The following SMC5 variants were observed in gnomAD, a reference collection of about 807,000 sequenced individuals.
SMC5 encodes the protein structural maintenance of chromosomes 5, also known as structural maintenance of chromosomes protein 5.
SMC5 carries 88 observed loss-of-function variants against 148.3 expected under a neutral mutation model. The ratio of observed to expected loss-of-function variants is 0.59; its 90% confidence interval spans 0.50 to 0.71. SMC5 has a LOEUF of 0.71. Among genes scored for constraint, SMC5 ranks in the 30% least tolerant of loss-of-function variants. The pLI is 0.00. For missense variants in SMC5, 1,142 were observed against 1,298.9 expected, an observed-to-expected ratio of 0.88 and a Z score of 1.86; for synonymous variants, 421 against 432.8, an observed-to-expected ratio of 0.97 and a Z score of 0.34.
chr9:70,310,742 G>A (rs778973943), intron 11 of SMC5: 5 of 152,194 alleles, frequency 3.3e-5, no homozygotes, highest in Non-Finnish European at 7.3e-5. Context: ...TTGAAAATCT[G>A]TCATTTAGTG....
At chr9:70,346,946 C>G (rs147354258) in intron 19 of SMC5, 120 bp from the exon 20 acceptor site, 3 of 775,296 alleles carry the variant, frequency 3.9e-6, no homozygotes, top group African/African-American at 3.5e-5. Context: ...CCTTTGTATT[C>G]TTGTGTGCCA....
Position 70,282,499 on chromosome 9 carries a change from T to C in SMC5, c.897T>C (p.Leu299=), listed in dbSNP as rs1186242983. The C allele has an allele frequency of 3.7e-6, 6 of 1,608,558 alleles. No homozygotes were observed. The East Asian group carries it at 1.1e-4, about 30-fold the overall frequency. ...RDRVKEEVRK[L]KEGQIPVTCR... is the part of the protein sequence containing the mutation. ...GAGTGAAGGAAGAGGTCAGAAAACT[T>C]AAAGAAGGGCAGATTCCTGTAACAT... The change falls in exon 7 of 25, where the codon CTT becomes CTC. Residue 299 remains leucine, a synonymous_variant. Coordinates refer to ENST00000361138, the MANE Select transcript of SMC5 (RefSeq NM_015110.4).
intron 4 of SMC5, among the ~76,000 whole-genome samples, chr9:70,277,890 A>T (rs1294705341): frequency 2.0e-5 from 3 of 151,956 alleles, no homozygotes. Context: ...ATCTTGTTAT[A>T]GTTTATTAAA....
In SMC5 at chr9:70,304,941, A is replaced by C. The variant is rs146403435; in HGVS notation, c.1465-306A>C. On this transcript the variant is annotated intron_variant, in intron 10 of 24. Coordinates refer to ENST00000361138, the MANE Select transcript of SMC5 (RefSeq NM_015110.4). ...GATAAGAAATGTTTACACTCAAGTC[A>C]CAATCTAAGACTGTTTGAAATATTT... Among the ~76,000 whole-genome samples, 294 of 152,280 alleles carry C rather than the reference A, an allele frequency of 1.9e-3. 1 individual carries two copies. The highest frequency in any genetic ancestry group is 6.3e-3 in the Admixed American group (97 of 15,298).
At chr9:70,344,404 C>A in intron 18 of SMC5, 135 bp downstream of exon 18, 1 of 370,772 alleles carries the variant, frequency 2.7e-6, no homozygotes, top group Non-Finnish European at 4.5e-6. Context: ...CATTTTTAAA[C>A]TGAATATATA....
intron 9 of SMC5, 83 bp from the exon 10 acceptor site, chr9:70,299,963 G>T (rs1345837197): frequency 2.4e-6 from 3 of 1,260,970 alleles, no homozygotes; most frequent in Non-Finnish European, 3.2e-6. Flanking sequence ...TAGAACTAGG[G>T]TATTCTTTTG....
intron 8 of SMC5, among the ~76,000 whole-genome samples, chr9:70,295,187 G>A (rs779741574): frequency 2.0e-5 from 3 of 151,486 alleles, no homozygotes; most frequent in East Asian, 3.9e-4. Context: ...ACATTCAGGC[G>A]GGGCGCGGTG....
At chr9:70,317,099 T>G (rs1170369072) in intron 13 of SMC5, among the ~76,000 whole-genome samples, 1 of 152,118 alleles carries the variant, frequency 6.6e-6, no homozygotes, top group African/African-American at 2.4e-5. Context: ...AAGTACCTAG[T>G]AAAGATTATC....
chr9:70,335,578 C>T (rs1049505077), intron 17 of SMC5, among the ~76,000 whole-genome samples: 1 of 152,096 alleles, frequency 6.6e-6, no homozygotes, highest in African/African-American at 2.4e-5. Context: ...ATTACTCTGC[C>T]ACAATAAGAA....
At chr9:70,262,587 T>A (rs983088076) in intron 1 of SMC5, among the ~76,000 whole-genome samples, 1 of 152,178 alleles carries the variant, frequency 6.6e-6, no homozygotes, top group Non-Finnish European at 1.5e-5. Flanking sequence ...ATGGGAAAGA[T>A]GGTGGATTTC....
intron 10 of SMC5, among the ~76,000 whole-genome samples, chr9:70,303,977 C>T (rs1212427232): frequency 2.0e-5 from 3 of 152,184 alleles, no homozygotes; most frequent in Non-Finnish European, 4.4e-5. Context: ...CATAGTTATT[C>T]ATCTGCAATA....
At chr9:70,311,255 G>GT (rs2035650023) in intron 11 of SMC5, 1 of 152,148 alleles carries the variant, frequency 6.6e-6, no homozygotes. Context: ...CTATTGTAGG[G>GT]TTATTAATTG....
At chr9:70,320,054 C>T (rs1280153713) in intron 15 of SMC5, among the ~76,000 whole-genome samples, 1 of 152,104 alleles carries the variant, frequency 6.6e-6, no homozygotes, top group Non-Finnish European at 1.5e-5. Flanking sequence ...ACCAAATAGC[C>T]AAGTCCAGAT....
At position 70,350,457 on chromosome 9, in the gene SMC5, T is replaced by G; in HGVS notation, c.3151T>G (p.Phe1051Val). The change falls in exon 24 of 25, where the codon TTC becomes GTC. Residue 1051 changes from phenylalanine (F) to valine (V), a missense_variant. Physicochemically the swap from Phe to Val is conservative, Grantham distance 50. Coordinates refer to ENST00000361138, the MANE Select transcript of SMC5 (RefSeq NM_015110.4). ...TAAAGAAAATACATCTCAATACTTT[T>G]TCATAACACCAAAGGTAGGTAAAAA... is the stretch of plus-strand genomic sequence containing the variant. The part of the protein sequence containing the change: ...ACKENTSQYF[F>V]ITPKLLQNLP... 1 of 1,594,424 alleles carries G rather than the reference T, an allele frequency of 6.3e-7. No homozygotes were observed. The highest frequency in any genetic ancestry group is 8.5e-7 in the Non-Finnish European group (1 of 1,172,972).
intron 7 of SMC5, 89 bp downstream of exon 7, chr9:70,282,672 G>A: frequency 3.9e-6 from 5 of 1,286,990 alleles, no homozygotes; most frequent in Non-Finnish European, 5.2e-6. Flanking sequence ...TATTTTCAAG[G>A]GTTTTCTTGT....
At chr9:70,293,944 T>C (rs2118331748) in intron 8 of SMC5, among the ~76,000 whole-genome samples, 1 of 152,296 alleles carries the variant, frequency 6.6e-6, no homozygotes, top group Middle Eastern at 3.4e-3. Flanking sequence ...CTTGGAATTT[T>C]TGTTTTTAAT....
At chr9:70,306,118 G>A (rs2035488815) in intron 11 of SMC5, among the ~76,000 whole-genome samples, 1 of 152,090 alleles carries the variant, frequency 6.6e-6, no homozygotes, top group Admixed American at 6.6e-5. Flanking sequence ...AGCTATATAT[G>A]ACATTCTTAT....
At chr9:70,288,004 T>A (rs2034957173) in intron 8 of SMC5, among the ~76,000 whole-genome samples, 2 of 152,192 alleles carry the variant, frequency 1.3e-5, no homozygotes, top group African/African-American at 4.8e-5. Context: ...CTTCCCTTTC[T>A]TTTGTCCTCA....
intron 13 of SMC5, 60 bp from the exon 14 acceptor site, chr9:70,318,454 T>C: frequency 7.8e-7 from 1 of 1,281,434 alleles, no homozygotes; most frequent in Non-Finnish European, 1.0e-6. Flanking sequence ...ATTTCTAATT[T>C]AGTACTTTAA....
Sources: gnomAD v4.1 joint callset for allele counts (sites outside exome capture counted in the v4.1 genomes callset) on GRCh38, gnomAD v4.1.1 for gene constraint, MANE v1.5 for transcripts, NCBI Gene and HGNC (gene_info 2026-07-23, HGNC 2026-07-21) for gene names.